The following CSMD1 variants were observed in gnomAD, a reference collection of about 807,000 sequenced individuals.
CSMD1 encodes the protein CUB and sushi domain-containing protein 1.
A neutral mutation model predicts 417.5 loss-of-function variants in CSMD1; 213 were observed. The observed-to-expected ratio is 0.51, with a 90% CI of 0.46 to 0.57. The LOEUF (loss-of-function observed/expected upper bound fraction) is 0.57, where lower values mean the gene tolerates loss of function less well. Among genes scored for constraint, CSMD1 ranks in the 20% least tolerant of loss-of-function variants. The pLI is 0.00. For missense variants in CSMD1, 6,923 were observed against 4,529.7 expected (o/e 1.53, Z -15.17); for synonymous variants, 2,862 against 1,736.8 (o/e 1.65, Z -16.11).
At chr8:4,671,655 G>C (rs541943993) in intron 1 of CSMD1, among the ~76,000 whole-genome samples, 1 of 152,178 alleles carries the variant, frequency 6.6e-6, no homozygotes, top group South Asian at 2.1e-4. Flanking sequence ...TTTTAAAATG[G>C]AACTGTTTTC....
chr8:4,074,695 A>G (rs1268569164), intron 3 of CSMD1, among the ~76,000 whole-genome samples: 1 of 152,102 alleles, frequency 6.6e-6, no homozygotes, highest in East Asian at 1.9e-4. Flanking sequence ...TTGTATAAAG[A>G]TGACATTGAG....
intron 3 of CSMD1, among the ~76,000 whole-genome samples, chr8:4,407,856 T>C (rs983076504): frequency 6.6e-6 from 1 of 152,148 alleles, no homozygotes; most frequent in Admixed American, 6.5e-5. Flanking sequence ...AAAAATCAGA[T>C]GTGGAATGTT....
chr8:3,856,933 C>G (rs896359884), intron 5 of CSMD1, among the ~76,000 whole-genome samples: 1 of 152,008 alleles, frequency 6.6e-6, no homozygotes, highest in Admixed American at 6.6e-5. Context: ...ACAGTGTAGC[C>G]TAGCTATCCT....
At chr8:3,613,702 AACACACACACACACACAC>A (rs61391436) in intron 8 of CSMD1, among the ~76,000 whole-genome samples, 3 of 144,890 alleles carry the variant, frequency 2.1e-5, no homozygotes, top group Non-Finnish European at 3.0e-5. Context: ...GTCAGATTAA[AACACACACACACACACAC>A]ACACACACAC....
At chr8:4,355,456 T>C (rs539173532) in intron 3 of CSMD1, among the ~76,000 whole-genome samples, 2 of 152,202 alleles carry the variant, frequency 1.3e-5, no homozygotes, top group African/African-American at 4.8e-5. Context: ...TAGGAAAGCA[T>C]AAATAGCTCA....
intron 4 of CSMD1, among the ~76,000 whole-genome samples, chr8:4,013,313 TC>T (rs1215317160): frequency 2.6e-5 from 4 of 152,076 alleles, no homozygotes; most frequent in South Asian, 2.1e-4. Flanking sequence ...TATTCTTCGT[TC>T]ACTCACCGTA....
chr8:2,973,820 T>C (rs190227502), intron 56 of CSMD1, among the ~76,000 whole-genome samples: 1 of 151,574 alleles, frequency 6.6e-6, no homozygotes, highest in Admixed American at 6.6e-5. Flanking sequence ...TTAATGGTGG[T>C]AGAGGATGAT....
At chr8:4,707,864 G>A (rs1808042303) in intron 1 of CSMD1, among the ~76,000 whole-genome samples, 1 of 132,064 alleles carries the variant, frequency 7.6e-6, no homozygotes, top group Non-Finnish European at 1.6e-5. Context: ...TCCAGCCTGG[G>A]GACAAGAGCA....
chr8:4,038,605 G>T (rs1039248874), intron 3 of CSMD1, among the ~76,000 whole-genome samples: 4 of 152,288 alleles, frequency 2.6e-5, no homozygotes, highest in African/African-American at 7.2e-5. Flanking sequence ...TACACATGAA[G>T]AATTTAGTAA....
intron 3 of CSMD1, among the ~76,000 whole-genome samples, chr8:4,116,966 A>C (rs1563144602): frequency 2.0e-5 from 3 of 152,058 alleles, no homozygotes; most frequent in Non-Finnish European, 4.4e-5. Flanking sequence ...TCAGGCTGGT[A>C]AGAGGCTACA....
intron 11 of CSMD1, among the ~76,000 whole-genome samples, chr8:3,482,450 G>A: frequency 6.6e-6 from 1 of 152,082 alleles, no homozygotes; most frequent in Non-Finnish European, 1.5e-5. Context: ...ATAATAAAAG[G>A]ATTGACCCAC....
intron 49 of CSMD1, among the ~76,000 whole-genome samples, chr8:3,084,224 A>G (rs1304190597): frequency 6.6e-6 from 1 of 152,120 alleles, no homozygotes; most frequent in African/African-American, 2.4e-5. Context: ...TACAGCGTGT[A>G]AAAGATCTAC....
chr8:4,964,852 G>A (rs141936871), intron 1 of CSMD1, among the ~76,000 whole-genome samples: 1 of 152,176 alleles, frequency 6.6e-6, no homozygotes, highest in Non-Finnish European at 1.5e-5. Flanking sequence ...AGTCGTGTCT[G>A]ATGTAATTGC....
At chr8:4,262,445 C>T (rs767262363) in intron 3 of CSMD1, among the ~76,000 whole-genome samples, 5 of 152,164 alleles carry the variant, frequency 3.3e-5, no homozygotes, top group Non-Finnish European at 7.3e-5. Context: ...TCATGTTCCC[C>T]GCGCAGTGCA....
intron 46 of CSMD1, among the ~76,000 whole-genome samples, chr8:3,102,208 A>G (rs965290882): frequency 1.6e-3 from 250 of 152,340 alleles, no homozygotes; most frequent in African/African-American, 5.9e-3. Context: ...CGAATCAATC[A>G]AATAGTAGAA....
intron 18 of CSMD1, among the ~76,000 whole-genome samples, chr8:3,375,805 C>G (rs935210084): frequency 1.3e-5 from 2 of 152,136 alleles, no homozygotes; most frequent in East Asian, 1.9e-4. Flanking sequence ...GACCAGCACT[C>G]GAGGCATTTG....
chr8:4,809,544 A>G (rs1007749600), intron 1 of CSMD1, among the ~76,000 whole-genome samples: 6 of 152,210 alleles, frequency 3.9e-5, no homozygotes, highest in Admixed American at 1.3e-4. Flanking sequence ...AAGAGGCCTT[A>G]GGTTTAAAAG....
At chr8:3,979,050 T>G (rs577797055) in intron 5 of CSMD1, among the ~76,000 whole-genome samples, 1 of 152,178 alleles carries the variant, frequency 6.6e-6, no homozygotes, top group Non-Finnish European at 1.5e-5. Context: ...CACAAGAAGT[T>G]TCCTCCTTTC....
At chr8:3,751,135 T>G (rs550829360) in intron 6 of CSMD1, among the ~76,000 whole-genome samples, 1 of 152,234 alleles carries the variant, frequency 6.6e-6, no homozygotes, top group South Asian at 2.1e-4. Context: ...GTAACTTCCT[T>G]GTACCGTGTT....
Sources: allele counts gnomAD v4.1 joint callset (sites outside exome capture counted in the v4.1 genomes callset), GRCh38; gene constraint gnomAD v4.1.1; transcripts MANE v1.5; gene names NCBI Gene and HGNC (gene_info 2026-07-23, HGNC 2026-07-21).